The following BSN variants were observed in gnomAD, a reference collection of about 807,000 sequenced individuals.
The protein encoded by BSN is protein bassoon.
In BSN, 57 loss-of-function variants were observed where a neutral mutation model predicts 264.8. The observed-to-expected ratio is 0.22, with a 90% CI of 0.17 to 0.27. The LOEUF is 0.27. Among genes scored for constraint, BSN ranks in the 10% least tolerant of loss-of-function variants. The pLI is 1.00. For synonymous variants in BSN, 2,059 were observed against 2,137.3 expected (o/e 0.96, Z 1.01); for missense variants, 4,615 against 5,232.5 (o/e 0.88, Z 3.64).
At chr3:49,594,746 C>T (rs2052007818) in intron 1 of BSN, among the ~76,000 whole-genome samples, 1 of 152,122 alleles carries the variant, frequency 6.6e-6, no homozygotes, top group African/African-American at 2.4e-5. Context: ...TTGAATTAAA[C>T]TTACAGATTA....
intron 3 of BSN, among the ~76,000 whole-genome samples, chr3:49,645,884 G>C (rs1457571746): frequency 6.6e-6 from 1 of 152,214 alleles, no homozygotes; most frequent in East Asian, 1.9e-4. Flanking sequence ...TGCCATGGCT[G>C]TCTCTCTCTG....
chr3:49,611,087 T>C (rs2052203365), intron 1 of BSN, among the ~76,000 whole-genome samples: 1 of 152,176 alleles, frequency 6.6e-6, no homozygotes, highest in Non-Finnish European at 1.5e-5. Context: ...AACTTGAGGT[T>C]TCTGGGTCAA....
In BSN at chr3:49,657,323, T is replaced by G. The variant is rs763944005; in HGVS notation, c.7767T>G (p.Asp2589Glu). 1 of 1,613,296 alleles carries G rather than the reference T, an allele frequency of 6.2e-7. No homozygotes were observed. Among genetic ancestry groups the G allele is most frequent in the Non-Finnish European group, 8.5e-7 (1 of 1,179,988 alleles). The change falls in exon 5 of 12, where the codon GAT (aspartate) becomes GAG (glutamate). Residue 2589 changes from aspartate to glutamate, a missense_variant. Transcript: ENST00000296452. ...CCGACAGCAGCGTGCAGACAGACGA[T>G]GAGGATGGGGAGAGCCGCTACCTCT... ...RIADSSVQTD[D>E]EDGESRYLLS...
chr3:49,597,154 T>C (rs544095534), intron 1 of BSN, among the ~76,000 whole-genome samples: 2 of 152,320 alleles, frequency 1.3e-5, no homozygotes, highest in African/African-American at 4.8e-5. Flanking sequence ...TATGTTGATA[T>C]ACTTAATGGT....
At chr3:49,632,504 A>G (rs1023342552) in intron 2 of BSN, among the ~76,000 whole-genome samples, 7 of 152,138 alleles carry the variant, frequency 4.6e-5, no homozygotes, top group African/African-American at 1.4e-4. Flanking sequence ...CAAAAACCCA[A>G]TTAAAAGTGG....
At chr3:49,622,865 C>T (rs1200893343) in intron 1 of BSN, among the ~76,000 whole-genome samples, 1 of 152,182 alleles carries the variant, frequency 6.6e-6, no homozygotes, top group Non-Finnish European at 1.5e-5. Context: ...GCAAAGATGG[C>T]CCTGAGGGGT....
At chr3:49,624,169 T>C (rs2052325192) in intron 1 of BSN, among the ~76,000 whole-genome samples, 1 of 151,724 alleles carries the variant, frequency 6.6e-6, no homozygotes, top group Non-Finnish European at 1.5e-5. Context: ...CCTGGCTAAT[T>C]TTTTGTATTT....
intron 1 of BSN, among the ~76,000 whole-genome samples, chr3:49,603,863 C>G (rs1020324749): frequency 7.9e-5 from 12 of 152,084 alleles, no homozygotes; most frequent in Non-Finnish European, 1.0e-4. Flanking sequence ...CCCTCCCCTT[C>G]TAACCACTAG....
chr3:49,653,586 C>G lies in BSN; in HGVS notation c.4030C>G (p.Gln1344Glu), dbSNP rs2052564225. 1 of 1,613,856 alleles carries G rather than the reference C, an allele frequency of 6.2e-7. No homozygotes were observed. Among genetic ancestry groups the G allele is most frequent in the Non-Finnish European group, 8.5e-7 (1 of 1,179,996 alleles). The change falls in exon 5 of 12, where the codon CAG becomes GAG. Residue 1344 changes from glutamine (Q) to glutamate (E), a missense_variant. This residue lies in a region of BSN where 3,415 missense variants were observed against 3,866.4 expected (regional missense o/e 0.88). Coordinates refer to ENST00000296452, the MANE Select transcript of BSN (RefSeq NM_003458.4). This position sits in a 1 kb window ranked among gnomAD's most constrained non-coding sequence, Gnocchi z 6.3. ...GRVIPDVRVT[Q>E]HFAKETQDPL... ...AGTTATTCCCGATGTCCGTGTCACT[C>G]AGCATTTTGCAAAGGAGACTCAGGA...
In BSN at chr3:49,642,141, C is replaced by T; in HGVS notation, c.634-127C>T. On this transcript the variant is annotated intron_variant, in intron 2 of 11. Transcript: ENST00000296452. This position sits in a 1 kb window ranked among gnomAD's most constrained non-coding sequence, Gnocchi z 7.0. ...CTGCCACCTGGCAGCCCAGAAATGC[C>T]TGAGCAGGGCTTGGTGCTCCTGCCT... 1 of 722,972 alleles carries T rather than the reference C, an allele frequency of 1.4e-6. No homozygotes were observed. Among genetic ancestry groups the T allele is most frequent in the Non-Finnish European group, 2.1e-6 (1 of 487,234 alleles). The allele number at this position is 722,972 out of a possible 1,614,324, so 44.8% of individuals were successfully genotyped here.
chr3:49,625,419 T>C lies in BSN; in HGVS notation c.633+36T>C. On this transcript the variant is annotated intron_variant, in intron 2 of 11. Transcript: ENST00000296452. This position sits in a 1 kb window ranked among gnomAD's most constrained non-coding sequence, Gnocchi z 4.4. ...CTGCGCCGGCTCCCCACTCACCTGC[T>C]ACCTCATTACCATACCTCCCCTGGT... 1 of 1,427,920 alleles carries C rather than the reference T, an allele frequency of 7.0e-7. No individual in the cohort carries two copies. The allele number at this position is 1,427,920 out of a possible 1,614,324, so 88.5% of individuals were successfully genotyped here.
intron 1 of BSN, among the ~76,000 whole-genome samples, chr3:49,616,508 C>T (rs144686160): frequency 2.0e-5 from 3 of 152,218 alleles, no homozygotes; most frequent in African/African-American, 4.8e-5. Flanking sequence ...TCTTTAAGTT[C>T]ACTCCCCTCC....
chr3:49,562,320 T>C (rs2051717675), intron 1 of BSN, among the ~76,000 whole-genome samples: 1 of 152,170 alleles, frequency 6.6e-6, no homozygotes, highest in Non-Finnish European at 1.5e-5. Context: ...TGGATACCTA[T>C]CCCTGGGTGA....
At position 49,656,487 on chromosome 3, in the gene BSN, C is replaced by T. The variant is rs773263098; in HGVS notation, c.6931C>T (p.Leu2311Phe). The T allele has an allele frequency of 2.5e-6, 4 of 1,595,664 alleles. No homozygotes were observed. Among genetic ancestry groups the T allele is most frequent in the Non-Finnish European group, 3.4e-6 (4 of 1,169,330 alleles). The change falls in exon 5 of 12, where the codon CTT becomes TTT. Residue 2311 changes from leucine (L) to phenylalanine (F), a missense_variant. This residue lies in a region of BSN where 3,415 missense variants were observed against 3,866.4 expected (regional missense o/e 0.88). Coordinates refer to ENST00000296452, the MANE Select transcript of BSN (RefSeq NM_003458.4). ...MPVGAAREEP[L>F]PTTTPAAIKE... ...AGTAGGGGCTGCACGGGAAGAGCCT[C>T]TTCCCACAACCACCCCTGCTGCCAT...
intron 2 of BSN, among the ~76,000 whole-genome samples, chr3:49,629,116 G>A (rs2052366582): frequency 6.6e-6 from 1 of 152,202 alleles, no homozygotes; most frequent in South Asian, 2.1e-4. Context: ...CAAGGAGAAG[G>A]CAGGAAGACC....
intron 1 of BSN, among the ~76,000 whole-genome samples, chr3:49,569,724 G>C (rs999981479): frequency 1.3e-5 from 2 of 152,206 alleles, no homozygotes; most frequent in Non-Finnish European, 2.9e-5. Flanking sequence ...ATTGGCTCTA[G>C]AATCTGCAGC....
chr3:49,566,573 C>T (rs2051753466), intron 1 of BSN, among the ~76,000 whole-genome samples: 1 of 151,876 alleles, frequency 6.6e-6, no homozygotes, highest in Non-Finnish European at 1.5e-5. Flanking sequence ...TTGCTTGAGC[C>T]CAGGAGTTTG....
At chr3:49,643,672 G>T (rs899540708) in intron 3 of BSN, among the ~76,000 whole-genome samples, 6 of 152,230 alleles carry the variant, frequency 3.9e-5, no homozygotes, top group Non-Finnish European at 8.8e-5. Flanking sequence ...AACCTTGATT[G>T]TCTCTTCTGA....
intron 5 of BSN, 111 bp downstream of exon 5, chr3:49,658,307 A>C: frequency 1.5e-6 from 2 of 1,302,436 alleles, no homozygotes; most frequent in South Asian, 3.4e-5. Flanking sequence ...CTCTGGCCCC[A>C]GAGGCCCAGG....
Sources: allele counts gnomAD v4.1 joint callset (sites outside exome capture counted in the v4.1 genomes callset), GRCh38; gene constraint gnomAD v4.1.1; regional missense constraint gnomAD v4.1.1; non-coding constraint Gnocchi (gnomAD v3.1); transcripts MANE v1.5; gene names NCBI Gene and HGNC (gene_info 2026-07-23, HGNC 2026-07-21).